Variants in PLCB2 observed in about 807,000 individuals in gnomAD.
The protein encoded by PLCB2 is 1-phosphatidylinositol 4,5-bisphosphate phosphodiesterase beta-2.
A neutral mutation model predicts 141.7 loss-of-function variants in PLCB2; 115 were observed. That is an observed-to-expected ratio of 0.81 (90% confidence interval 0.70 to 0.95). The LOEUF is 0.95. Among genes scored for constraint, PLCB2 ranks in the 40% least tolerant of loss-of-function variants. The probability of loss-of-function intolerance (pLI) is 0.00; values close to 1 mark genes in which losing one functional copy is unlikely to be tolerated. For missense variants in PLCB2, 1,403 were observed against 1,541.1 expected (o/e 0.91, Z 1.50); for synonymous variants, 603 against 595.6 (o/e 1.01, Z -0.18).
chr15:40,288,580 G>A lies in PLCB2; in HGVS notation c.*135C>T. ...GACTCTGGCCTGGCCGTTGAGGAGG[G>A]GGCTGCAGCGTCCAAGGCAGCCACA... is the stretch of plus-strand genomic sequence containing the variant. On this transcript the variant is annotated 3_prime_UTR_variant, in exon 32 of 32. Transcript: ENST00000260402. 2 of 1,406,378 alleles carry A rather than the reference G, an allele frequency of 1.4e-6. No homozygotes were observed. Among genetic ancestry groups the A allele is most frequent in the Non-Finnish European group, 1.8e-6 (2 of 1,082,060 alleles). The allele number at this position is 1,406,378 out of a possible 1,614,324, so 87.1% of individuals were successfully genotyped here.
Position 40,294,413 on chromosome 15 carries a change from G to A in PLCB2, c.1914C>T (p.Pro638=), listed in dbSNP as rs368248840. Residue 638 remains proline, a synonymous_variant, in exon 19 of 32, where the codon CCC becomes CCT. Coordinates refer to ENST00000260402, the MANE Select transcript of PLCB2 (RefSeq NM_004573.3). ...CAAATACTGCCATGTTCTGCTGCAT[G>A]GGCAAGTCTGGAGGGACAAGGACAC... The part of the protein sequence containing the change: ...VALNFQTMDL[P]MQQNMAVFEF... The A allele has an allele frequency of 6.2e-7, 1 of 1,614,118 alleles. No individual in the cohort carries two copies. Among genetic ancestry groups the A allele is most frequent in the East Asian group, 2.2e-5 (1 of 44,882 alleles).
downstream of PLCB2, among the ~76,000 whole-genome samples, chr15:40,286,306 G>T (rs1001680378): frequency 6.6e-6 from 1 of 152,116 alleles, no homozygotes; most frequent in African/African-American, 2.4e-5. Flanking sequence ...TGGCAGAAGG[G>T]CTCCCTCCCC....
rs1380375376 is a variant in PLCB2 at position 40,307,624 on chromosome 15, G to C, written c.49C>G (p.Leu17Val). Residue 17 changes from leucine (L) to valine (V), a missense_variant, in exon 1 of 32, where the codon CTG becomes GTG. Leu to Val is a conservative substitution (Grantham distance 32, BLOSUM62 1). This residue lies in a region of PLCB2 where 975 missense variants were observed against 1,141.1 expected (regional missense o/e 0.85). Coordinates refer to ENST00000260402, the MANE Select transcript of PLCB2 (RefSeq NM_004573.3). ...TTGATGAAGCGCTCCCCTTGGCTCAGATAGGCCTTCACCTTGGGGGGCAGC... is the reference window on the plus strand; with the variant it reads ...TTGATGAAGCGCTCCCCTTGGCTCACATAGGCCTTCACCTTGGGGGGCAGC... ...VLLPPKVKAY[L>V]SQGERFIKWD... The C allele has an allele frequency of 1.3e-6, 2 of 1,589,590 alleles. No homozygotes were observed. Among genetic ancestry groups the C allele is most frequent in the Non-Finnish European group, 1.7e-6 (2 of 1,166,684 alleles).
rs1203081147 is a variant in PLCB2 at position 40,288,784 on chromosome 15, C to G, written c.3489G>C (p.Glu1163Asp). The G allele has an allele frequency of 6.2e-7, 1 of 1,613,910 alleles. No individual in the cohort carries two copies. The highest frequency in any genetic ancestry group is 1.1e-5 in the South Asian group (1 of 91,072). ...CCTGCTCACACAGCTCTGGGGGGCACTCGCAGGCCCTCTCAGGCTTGTCCT... is the reference window on the plus strand; with the variant it reads ...CCTGCTCACACAGCTCTGGGGGGCAGTCGCAGGCCCTCTCAGGCTTGTCCT... ...EAKDKPERAC[E>D]CPPELCEQDP... The change falls in exon 32 of 32, where the codon GAG (glutamate) becomes GAC (aspartate). Residue 1163 changes from glutamate (E) to aspartate (D), a missense_variant. This residue lies in a region of PLCB2 where 132 missense variants were observed against 132.4 expected (regional missense o/e 1.00). Coordinates refer to ENST00000260402, the MANE Select transcript of PLCB2 (RefSeq NM_004573.3).
chr15:40,288,227 G>C lies in PLCB2; in HGVS notation c.*488C>G. ...GCCGTCCCCAGGGAGCTGTGAGGTAGTGCCAGGATCTGCCTCAAGGAGTGG... is the reference window on the plus strand; with the variant it reads ...GCCGTCCCCAGGGAGCTGTGAGGTACTGCCAGGATCTGCCTCAAGGAGTGG... On this transcript the variant is annotated 3_prime_UTR_variant, in exon 32 of 32. Coordinates refer to ENST00000260402, the MANE Select transcript of PLCB2 (RefSeq NM_004573.3). 5 of 986,226 alleles carry C rather than the reference G, an allele frequency of 5.1e-6. No individual in the cohort carries two copies. The highest frequency in any genetic ancestry group is 6.0e-6 in the Non-Finnish European group (5 of 830,466). The allele number at this position is 986,226 out of a possible 1,614,324, so 61.1% of individuals were successfully genotyped here.
intron 1 of PLCB2, among the ~76,000 whole-genome samples, chr15:40,306,875 G>A (rs533952019): frequency 6.6e-6 from 1 of 152,342 alleles, no homozygotes; most frequent in Non-Finnish European, 1.5e-5. Context: ...CTGGCCTAAG[G>A]TAACATTTTC....
chr15:40,296,188 C>T, intron 16 of PLCB2, 108 bp downstream of exon 16: 1 of 809,596 alleles, frequency 1.2e-6, no homozygotes, highest in African/African-American at 1.7e-5. Context: ...TTAAGCAAGC[C>T]CTTTGCCTGA....
rs547249256 is a variant in PLCB2, at chr15:40,296,908, G to A, written c.1324C>T (p.Leu442=). 4.3e-6 allele frequency: 7 copies of A among 1,613,962 alleles called. No homozygotes were observed. The South Asian group carries it at 7.7e-5, about 18-fold the overall frequency. Residue 442 remains leucine (L), a splice_region_variant and synonymous_variant, in exon 14 of 32, where the codon CTA becomes TTA. Coordinates refer to ENST00000260402, the MANE Select transcript of PLCB2 (RefSeq NM_004573.3). ...CTGGGCAGGGGGACACCTGGTTTTA[G>A]CTATGGAGTGGAGAGCAGGTCAGCA... ...LLTEPLEKFP[L]KPGVPLPSPE... is the part of the protein sequence containing the mutation.
chr15:40,305,961 G>A (rs1566894043), intron 1 of PLCB2, among the ~76,000 whole-genome samples: 1 of 152,200 alleles, frequency 6.6e-6, no homozygotes, highest in African/African-American at 2.4e-5. Context: ...AAAGGTTGGA[G>A]TTTTGATTAT....
At position 40,293,637 on chromosome 15, in the gene PLCB2, G is replaced by T. The variant is rs1460301016; in HGVS notation, c.2149C>A (p.Arg717Ser). The change falls in exon 20 of 32, where the codon CGC (arginine) becomes AGC (serine). Residue 717 changes from arginine (R) to serine (S), a missense_variant. Coordinates refer to ENST00000260402, the MANE Select transcript of PLCB2 (RefSeq NM_004573.3). ...LFGLPGDPKR[R>S]YRTKLSPSTN... ...CTGGGTGACAGCTTAGTTCGATAGCGCCTCTTGGGGTCCCCAGGAAGGCCA... is the reference window on the plus strand; with the variant it reads ...CTGGGTGACAGCTTAGTTCGATAGCTCCTCTTGGGGTCCCCAGGAAGGCCA... 2 of 1,613,936 alleles carry T rather than the reference G, an allele frequency of 1.2e-6. No individual in the cohort carries two copies. Among genetic ancestry groups the T allele is most frequent in the South Asian group, 2.2e-5 (2 of 91,082 alleles).
At position 40,296,592 on chromosome 15, in the gene PLCB2, A is replaced by T. The variant is rs1566881112; in HGVS notation, c.1529T>A (p.Val510Glu). 6.2e-7 allele frequency: 1 copy of T among 1,611,292 alleles called. No individual in the cohort carries two copies. Among genetic ancestry groups the T allele is most frequent in the Non-Finnish European group, 8.5e-7 (1 of 1,178,646 alleles). ...EEGTELEEEEVEEEEEEESGN... is the reference protein window; with the variant it reads ...EEGTELEEEEEEEEEEEESGN... ...TGACTCCTCCTCCTCTTCCTCTTCCACCTCCTCCTCCTCCAGCTCAGTCCC... is the reference window on the plus strand; with the variant it reads ...TGACTCCTCCTCCTCTTCCTCTTCCTCCTCCTCCTCCTCCAGCTCAGTCCC... Residue 510 changes from valine (V) to glutamate (E), a missense_variant, in exon 15 of 32, where the codon GTG becomes GAG. By Grantham distance (121) the Val-to-Glu change is moderately radical. Transcript: ENST00000260402.
At chr15:40,298,439 C>T (rs1022300940) in intron 10 of PLCB2, 59 bp from the exon 11 acceptor site, 1 of 1,574,940 alleles carries the variant, frequency 6.3e-7, no homozygotes, top group East Asian at 2.3e-5. Context: ...CAGCTCTCCC[C>T]CTACCGCCAC....
rs1304002395 is a variant in PLCB2 at position 40,294,279 on chromosome 15, G to A, written c.2048C>T (p.Thr683Ile). ...CCAGGGCCTTGCCGTAATGGAAAGG[G>A]TGGTGGCCACCACCACGTCGATGCG... ...VDRIDVVVAT[T>I]LSITVISGQF... Residue 683 changes from threonine to isoleucine, a missense_variant, in exon 19 of 32, where the codon ACC becomes ATC. Around this residue, in one of 4 missense-constraint regions of PLCB2, gnomAD observed 975 missense variants for 1,141.1 expected, o/e 0.85. Coordinates refer to ENST00000260402, the MANE Select transcript of PLCB2 (RefSeq NM_004573.3). The A allele has an allele frequency of 6.2e-7, 1 of 1,613,904 alleles. No individual in the cohort carries two copies. The highest frequency in any genetic ancestry group is 8.5e-7 in the Non-Finnish European group (1 of 1,180,016).
Position 40,294,399 on chromosome 15 carries a change from A to G in PLCB2, c.1928T>C (p.Met643Thr). The change falls in exon 19 of 32, where the codon ATG becomes ACG. Residue 643 changes from methionine to threonine, a missense_variant. By Grantham distance (81) the Met-to-Thr change is moderately conservative. Transcript: ENST00000260402. ...QTMDLPMQQN[M>T]AVFEFNGQSG... is the part of the protein sequence containing the mutation. Reference sequence around the variant, plus strand: ...CTGCCCGTTGAACTCAAATACTGCCATGTTCTGCTGCATGGGCAAGTCTGG... The same window carrying G: ...CTGCCCGTTGAACTCAAATACTGCCGTGTTCTGCTGCATGGGCAAGTCTGG... The G allele has an allele frequency of 1.5e-5, 24 of 1,614,206 alleles. No homozygotes were observed. Among genetic ancestry groups the G allele is most frequent in the Non-Finnish European group, 2.0e-5 (24 of 1,180,032 alleles).
intron 7 of PLCB2, 135 bp downstream of exon 7, chr15:40,301,822 G>T: frequency 1.3e-6 from 1 of 775,172 alleles, no homozygotes; most frequent in Non-Finnish European, 2.2e-6. Flanking sequence ...AGCAGCTCCA[G>T]GGTTGATTGG....
intron 19 of PLCB2, 103 bp downstream of exon 19, chr15:40,294,163 G>A: frequency 8.5e-7 from 1 of 1,178,760 alleles, no homozygotes; most frequent in Admixed American, 1.9e-5. Flanking sequence ...GAAGTTTCCA[G>A]GATATCAGGG....
In PLCB2 at chr15:40,296,612, A is replaced by T. The variant is rs758827496; in HGVS notation, c.1509T>A (p.Thr503=). The change falls in exon 15 of 32, where the codon ACT becomes ACA. Residue 503 remains threonine, a synonymous_variant. Transcript: ENST00000260402. ...CTTCCACCTCCTCCTCCTCCAGCTC[A>T]GTCCCTTCCTCGCCAGCCCACACTG... ...EGTVWAGEEG[T]ELEEEEVEEE... 1 of 1,613,110 alleles carries T rather than the reference A, an allele frequency of 6.2e-7. No homozygotes were observed. The highest frequency in any genetic ancestry group is 1.1e-5 in the South Asian group (1 of 90,984).
intron 7 of PLCB2, chr15:40,301,719 C>T: frequency 5.7e-6 from 4 of 706,084 alleles, no homozygotes. Flanking sequence ...AGCGCCCCCA[C>T]CACCCAGGGT....
At chr15:40,289,212 C>T in intron 31 of PLCB2, 60 bp downstream of exon 31, 1 of 1,446,772 alleles carries the variant, frequency 6.9e-7, no homozygotes, top group East Asian at 2.3e-5. Flanking sequence ...TGGGGCAAGG[C>T]CCCTTTACAA....
Sources: allele counts gnomAD v4.1 joint callset (sites outside exome capture counted in the v4.1 genomes callset), GRCh38; gene constraint gnomAD v4.1.1; regional missense constraint gnomAD v4.1.1; transcripts MANE v1.5; gene names NCBI Gene and HGNC (gene_info 2026-07-23, HGNC 2026-07-21).